LRRC4C: variants seen among roughly 807,000 people sequenced by gnomAD.
LRRC4C encodes the protein leucine-rich repeat-containing protein 4C.
LRRC4C carries 5 observed loss-of-function variants against 33.6 expected under a neutral mutation model. The observed-to-expected ratio is 0.15, with a 90% CI of 0.08 to 0.31. LRRC4C has a LOEUF of 0.31. Ranked by LOEUF, LRRC4C falls within the 10% of genes least tolerant of loss-of-function variation. The pLI, the probability that LRRC4C is intolerant of heterozygous loss-of-function variation, is 1.00. For synonymous variants in LRRC4C, 329 were observed against 302.0 expected (o/e 1.09, Z -0.93); for missense variants, 560 against 796.7 (o/e 0.70, Z 3.58).
At chr11:40,950,022 AT>A (rs147324641) in intron 1 of LRRC4C, among the ~76,000 whole-genome samples, 36,953 of 151,628 alleles carry the variant, frequency 0.24, 4,921 homozygotes, top group Middle Eastern at 0.32. Flanking sequence ...TCACCTCTCA[AT>A]TTTTTTTCAT....
chr11:41,138,206 T>C (rs958222530), intron 1 of LRRC4C, among the ~76,000 whole-genome samples: 9 of 152,352 alleles, frequency 5.9e-5, no homozygotes, highest in Non-Finnish European at 1.2e-4. Context: ...TTGAGCCTTA[T>C]AACAATTGCT....
At chr11:41,158,963 G>A (rs573063197) in intron 1 of LRRC4C, among the ~76,000 whole-genome samples, 18 of 152,146 alleles carry the variant, frequency 1.2e-4, no homozygotes, top group African/African-American at 4.3e-4. Context: ...AGGAAATATT[G>A]GAAATGAAAC....
intron 1 of LRRC4C, among the ~76,000 whole-genome samples, chr11:41,181,086 C>G (rs80325560): frequency 1.3e-5 from 2 of 152,102 alleles, no homozygotes; most frequent in African/African-American, 4.8e-5. Context: ...ACAGAATGAA[C>G]TGTTTTCTTA....
At chr11:40,242,703 A>T (rs1236508745) in intron 4 of LRRC4C, among the ~76,000 whole-genome samples, 1 of 152,132 alleles carries the variant, frequency 6.6e-6, no homozygotes, top group Non-Finnish European at 1.5e-5. Flanking sequence ...ATATAAAGAA[A>T]GCTAGTGTCT....
intron 2 of LRRC4C, among the ~76,000 whole-genome samples, chr11:40,759,000 C>T (rs1949072283): frequency 6.6e-6 from 1 of 150,480 alleles, no homozygotes; most frequent in African/African-American, 2.4e-5. Context: ...TTGGACCTTA[C>T]CTTTTGTCAT....
intron 1 of LRRC4C, among the ~76,000 whole-genome samples, chr11:41,314,823 AGAC>A (rs1950741016): frequency 6.6e-6 from 1 of 152,146 alleles, no homozygotes; most frequent in Non-Finnish European, 1.5e-5. Context: ...ATAAGTAAAG[AGAC>A]GACCCCAGCT....
intron 1 of LRRC4C, among the ~76,000 whole-genome samples, chr11:41,156,721 G>A (rs1306537447): frequency 2.0e-5 from 3 of 152,032 alleles, no homozygotes; most frequent in African/African-American, 7.2e-5. Flanking sequence ...GGGCATTAGG[G>A]CAGCAAGTTG....
intron 2 of LRRC4C, among the ~76,000 whole-genome samples, chr11:40,695,775 C>T (rs1205650470): frequency 6.6e-6 from 1 of 152,042 alleles, no homozygotes; most frequent in Non-Finnish European, 1.5e-5. Flanking sequence ...TCCTTCTCTG[C>T]CCCTCCTGCT....
At chr11:41,340,679 C>T (rs1300779773) in intron 1 of LRRC4C, among the ~76,000 whole-genome samples, 1 of 152,078 alleles carries the variant, frequency 6.6e-6, no homozygotes, top group Non-Finnish European at 1.5e-5. Flanking sequence ...AGAAAAGTTA[C>T]TTAGAGTCTA....
At chr11:41,106,496 C>T (rs1941504027) in intron 1 of LRRC4C, among the ~76,000 whole-genome samples, 1 of 151,700 alleles carries the variant, frequency 6.6e-6, no homozygotes, top group South Asian at 2.1e-4. Flanking sequence ...AAATTACTCA[C>T]TGTCACCTAA....
intron 1 of LRRC4C, among the ~76,000 whole-genome samples, chr11:41,051,717 T>G (rs1021142336): frequency 1.3e-5 from 2 of 152,046 alleles, no homozygotes; most frequent in African/African-American, 4.8e-5. Flanking sequence ...TCTAGTTGCA[T>G]TTTTCTTGCC....
At chr11:40,251,278 C>A (rs976588639) in intron 4 of LRRC4C, among the ~76,000 whole-genome samples, 1 of 152,048 alleles carries the variant, frequency 6.6e-6, no homozygotes, top group East Asian at 1.9e-4. Flanking sequence ...ATTCTTGCTT[C>A]TGTAAAAAGG....
At chr11:40,761,008 C>T (rs1949187768) in intron 2 of LRRC4C, among the ~76,000 whole-genome samples, 1 of 151,338 alleles carries the variant, frequency 6.6e-6, no homozygotes, top group Admixed American at 6.6e-5. Flanking sequence ...TGAGGAAGCA[C>T]AGATAATCAA....
intron 2 of LRRC4C, among the ~76,000 whole-genome samples, chr11:40,791,379 G>A (rs1230440190): frequency 6.6e-6 from 1 of 152,120 alleles, no homozygotes; most frequent in Non-Finnish European, 1.5e-5. Flanking sequence ...TGTCTTGGGA[G>A]TTCAAGAAGT....
At chr11:40,589,050 T>C (rs966727532) in intron 3 of LRRC4C, among the ~76,000 whole-genome samples, 5 of 152,152 alleles carry the variant, frequency 3.3e-5, no homozygotes, top group African/African-American at 7.2e-5. Flanking sequence ...TTCTGTCTCG[T>C]TGATCTGTCT....
At chr11:40,272,474 A>T (rs1942778828) in intron 4 of LRRC4C, among the ~76,000 whole-genome samples, 1 of 152,156 alleles carries the variant, frequency 6.6e-6, no homozygotes, top group Admixed American at 6.6e-5. Flanking sequence ...TCTAAGAATC[A>T]TCTATTCTTT....
At chr11:40,950,650 T>C (rs961058117) in intron 1 of LRRC4C, among the ~76,000 whole-genome samples, 1 of 152,160 alleles carries the variant, frequency 6.6e-6, no homozygotes, top group East Asian at 1.9e-4. Context: ...GATATCATAG[T>C]GGAGAAAAAT....
At chr11:41,448,257 A>G (rs1955902063) in intron 1 of LRRC4C, among the ~76,000 whole-genome samples, 1 of 150,800 alleles carries the variant, frequency 6.6e-6, no homozygotes, top group Non-Finnish European at 1.5e-5. Flanking sequence ...TGTCATTAAT[A>G]AATAATTTCA....
chr11:40,768,687 T>A (rs775336725), intron 2 of LRRC4C, among the ~76,000 whole-genome samples: 3 of 152,104 alleles, frequency 2.0e-5, no homozygotes, highest in Non-Finnish European at 2.9e-5. Context: ...ATTCATCATA[T>A]GCAAATCAAT....
Sources: allele counts gnomAD v4.1 joint callset (sites outside exome capture counted in the v4.1 genomes callset), GRCh38; gene constraint gnomAD v4.1.1; transcripts MANE v1.5; gene names NCBI Gene and HGNC (gene_info 2026-07-23, HGNC 2026-07-21).